EXOC4: variants seen among roughly 807,000 people sequenced by gnomAD.
EXOC4 encodes the protein SEC8-like 1.
A neutral mutation model predicts 107.2 loss-of-function variants in EXOC4; 71 were observed. The ratio of observed to expected loss-of-function variants is 0.66; its 90% CI spans 0.55 to 0.81. The LOEUF (loss-of-function observed/expected upper bound fraction) is 0.81. Ranked by LOEUF, EXOC4 falls within the 30% of genes least tolerant of loss-of-function variation. The pLI, the probability that EXOC4 is intolerant of heterozygous loss-of-function variation, is 0.00. For missense variants in EXOC4, 1,108 were observed against 1,189.6 expected, an observed-to-expected ratio of 0.93 and a Z score of 1.01; for synonymous variants, 456 against 441.2, an observed-to-expected ratio of 1.03 and a Z score of -0.42.
intron 11 of EXOC4, among the ~76,000 whole-genome samples, chr7:133,887,184 A>ACAATTCT (rs1411158093): frequency 1.3e-5 from 2 of 152,340 alleles, no homozygotes; most frequent in Admixed American, 1.3e-4. Context: ...TGCTATCAGC[A>ACAATTCT]CAATTCTCGT....
intron 5 of EXOC4, among the ~76,000 whole-genome samples, chr7:133,341,161 G>T (rs1033719581): frequency 3.4e-4 from 51 of 152,050 alleles, no homozygotes; most frequent in Non-Finnish European, 6.0e-4. Flanking sequence ...TTTGATGTAG[G>T]TGTTCAACGC....
intron 11 of EXOC4, 147 bp from the exon 12 acceptor site, chr7:133,895,452 C>G (rs1435189782): frequency 2.5e-6 from 2 of 787,420 alleles, no homozygotes; most frequent in African/African-American, 1.7e-5. Context: ...TTGGCTCCTC[C>G]CCCTGTTTTG....
At chr7:133,379,832 T>C (rs1182499329) in intron 7 of EXOC4, among the ~76,000 whole-genome samples, 1 of 152,186 alleles carries the variant, frequency 6.6e-6, no homozygotes, top group Non-Finnish European at 1.5e-5. Context: ...ATAATTCCTG[T>C]ACGGCTGAAA....
At chr7:133,706,397 A>G (rs1794769624) in intron 10 of EXOC4, among the ~76,000 whole-genome samples, 1 of 152,210 alleles carries the variant, frequency 6.6e-6, no homozygotes, top group Non-Finnish European at 1.5e-5. Context: ...TTGTACTTAT[A>G]TTTACATTTA....
chr7:133,445,650 A>G (rs1222021034), intron 7 of EXOC4, among the ~76,000 whole-genome samples: 3 of 152,154 alleles, frequency 2.0e-5, no homozygotes, highest in Non-Finnish European at 2.9e-5. Context: ...AAACAAATAA[A>G]TCAACCTCTC....
downstream of EXOC4, among the ~76,000 whole-genome samples, chr7:134,068,754 G>A (rs1004209986): frequency 2.6e-5 from 4 of 152,076 alleles, no homozygotes; most frequent in East Asian, 1.9e-4. Flanking sequence ...TTCTGAGCCC[G>A]ACGGTCCTTA....
At chr7:133,275,816 C>CTT (rs752074940) in intron 2 of EXOC4, among the ~76,000 whole-genome samples, 4 of 139,704 alleles carry the variant, frequency 2.9e-5, no homozygotes, top group African/African-American at 7.8e-5. Flanking sequence ...CAATTTTTTT[C>CTT]TTTTTTTTTT....
chr7:133,508,470 C>G (rs780315179), intron 9 of EXOC4, among the ~76,000 whole-genome samples: 1 of 152,178 alleles, frequency 6.6e-6, no homozygotes, highest in African/African-American at 2.4e-5. Flanking sequence ...GCCTTGTTGC[C>G]TGTGACCAAC....
At chr7:133,760,910 C>CA (rs1275690524) in intron 10 of EXOC4, among the ~76,000 whole-genome samples, 2 of 152,048 alleles carry the variant, frequency 1.3e-5, no homozygotes, top group African/African-American at 4.8e-5. Context: ...AGCAAATAAA[C>CA]AGATACATAT....
chr7:133,422,912 G>T (rs1343251319), intron 7 of EXOC4, among the ~76,000 whole-genome samples: 1 of 152,154 alleles, frequency 6.6e-6, no homozygotes, highest in Non-Finnish European at 1.5e-5. Flanking sequence ...TTGTCATTAG[G>T]TAAAGTAATA....
chr7:133,538,674 T>TA (rs894582403), intron 9 of EXOC4, among the ~76,000 whole-genome samples: 1 of 151,436 alleles, frequency 6.6e-6, no homozygotes, highest in Non-Finnish European at 1.5e-5. Flanking sequence ...AATAAAAAAA[T>TA]AAAAAACTCA....
chr7:133,989,053 T>G (rs1464126760), intron 14 of EXOC4, among the ~76,000 whole-genome samples: 4 of 152,044 alleles, frequency 2.6e-5, no homozygotes, highest in Admixed American at 6.6e-5. Context: ...ATTGCAGTAG[T>G]CCATGGAAGA....
intron 9 of EXOC4, among the ~76,000 whole-genome samples, chr7:133,503,838 C>T (rs1301727753): frequency 6.6e-6 from 1 of 151,680 alleles, no homozygotes; most frequent in Non-Finnish European, 1.5e-5. Flanking sequence ...GGGGAGGGTA[C>T]GTGGGTAGCC....
intron 12 of EXOC4, among the ~76,000 whole-genome samples, chr7:133,912,997 C>T (rs1799730399): frequency 6.6e-6 from 1 of 151,868 alleles, no homozygotes; most frequent in African/African-American, 2.4e-5. Flanking sequence ...GGTGATGAGG[C>T]ACAAAAAAAG....
At chr7:133,528,070 G>T (rs1159488541) in intron 9 of EXOC4, among the ~76,000 whole-genome samples, 1 of 152,124 alleles carries the variant, frequency 6.6e-6, no homozygotes, top group African/African-American at 2.4e-5. Context: ...ATTTCTAATT[G>T]CCACACTTTG....
intron 11 of EXOC4, among the ~76,000 whole-genome samples, chr7:133,862,939 TCA>T (rs1440586853): frequency 6.6e-6 from 1 of 152,196 alleles, no homozygotes; most frequent in Non-Finnish European, 1.5e-5. Flanking sequence ...CTCTGAGTTG[TCA>T]CACAGATCCA....
chr7:133,302,480 G>A (rs1338279021), intron 3 of EXOC4, among the ~76,000 whole-genome samples: 1 of 152,096 alleles, frequency 6.6e-6, no homozygotes, highest in Admixed American at 6.5e-5. Flanking sequence ...AATACATTTA[G>A]GTGACTCATT....
intron 14 of EXOC4, among the ~76,000 whole-genome samples, chr7:133,976,632 T>C (rs771985865): frequency 4.6e-5 from 7 of 152,146 alleles, no homozygotes; most frequent in Non-Finnish European, 8.8e-5. Context: ...AAAACTATCA[T>C]AGGTGCCCAA....
At chr7:133,728,857 A>T (rs575185878) in intron 10 of EXOC4, among the ~76,000 whole-genome samples, 42 of 152,266 alleles carry the variant, frequency 2.8e-4, no homozygotes, top group African/African-American at 9.6e-4. Context: ...AGTAATACAG[A>T]ACTCTCCACC....
Sources: allele counts gnomAD v4.1 joint callset (sites outside exome capture counted in the v4.1 genomes callset), GRCh38; gene constraint gnomAD v4.1.1; transcripts MANE v1.5; gene names NCBI Gene and HGNC (gene_info 2026-07-23, HGNC 2026-07-21).